FGF12: variants seen among roughly 807,000 people sequenced by gnomAD.
FGF12 encodes the protein fibroblast growth factor 12, also known as fibroblast growth factor 12B.
In FGF12, 14 loss-of-function variants were observed where a neutral mutation model predicts 23.6. The ratio of observed to expected loss-of-function variants is 0.59; its 90% CI spans 0.39 to 0.93. FGF12 has a LOEUF of 0.93. FGF12 is among the 40% of genes least tolerant of loss of function. FGF12 has a pLI of 0.00. For missense variants in FGF12, 175 were observed against 217.8 expected, an observed-to-expected ratio of 0.80 and a Z score of 1.24; for synonymous variants, 62 against 77.3, an observed-to-expected ratio of 0.80 and a Z score of 1.04.
At chr3:192,532,109 T>A (rs1725102913) in intron 2 of FGF12, among the ~76,000 whole-genome samples, 2 of 152,204 alleles carry the variant, frequency 1.3e-5, no homozygotes, top group South Asian at 4.1e-4. Context: ...TTGGTCTACA[T>A]GCCTATTTTT....
chr3:192,566,027 G>A (rs538480333), intron 2 of FGF12, among the ~76,000 whole-genome samples: 7 of 152,154 alleles, frequency 4.6e-5, no homozygotes, highest in Non-Finnish European at 7.3e-5. Context: ...CAGAGGTTGC[G>A]GTGAGCCGAG....
intron 4 of FGF12, among the ~76,000 whole-genome samples, chr3:192,298,926 G>A (rs1337729234): frequency 1.3e-5 from 2 of 152,022 alleles, no homozygotes; most frequent in Non-Finnish European, 2.9e-5. Context: ...GAACATGTCA[G>A]GTTCTTTTTA....
At chr3:192,397,815 C>T (rs1422858129) in intron 2 of FGF12, among the ~76,000 whole-genome samples, 2 of 152,126 alleles carry the variant, frequency 1.3e-5, no homozygotes, top group Non-Finnish European at 2.9e-5. Context: ...ACTTTGGGCA[C>T]TTATTTAAAT....
intron 2 of FGF12, among the ~76,000 whole-genome samples, chr3:192,385,038 G>GGAGATGACCTGGCTTT (rs1719983383): frequency 6.6e-6 from 1 of 152,112 alleles, no homozygotes; most frequent in Non-Finnish European, 1.5e-5. Context: ...GAGGGAAAAG[G>GGAGATGACCTGGCTTT]GAGATGACCT....
intron 4 of FGF12, among the ~76,000 whole-genome samples, chr3:192,334,040 G>A (rs1717264613): frequency 6.6e-6 from 1 of 152,104 alleles, no homozygotes; most frequent in African/African-American, 2.4e-5. Flanking sequence ...CTGTCTAGGT[G>A]TATTGATGGA....
chr3:192,703,737 G>T (rs1434965145), intron 2 of FGF12, among the ~76,000 whole-genome samples: 1 of 152,172 alleles, frequency 6.6e-6, no homozygotes, highest in Non-Finnish European at 1.5e-5. Context: ...CCTAGTGGGA[G>T]GTGATTGGAT....
chr3:192,203,133 T>TTGTG (rs57503863), intron 4 of FGF12, among the ~76,000 whole-genome samples: 1,495 of 148,274 alleles, frequency 0.01, 7 homozygotes, highest in African/African-American at 0.019. Context: ...CATTAAATAT[T>TTGTG]TGTGTGTGTG....
rs562864919 is a variant in FGF12 at position 192,193,134 on chromosome 3, C to T, written c.229-22478G>A. Reference sequence around the variant, plus strand: ...GAGACCAAAAAAAGTTTCATAAATGCCATGTGTATTCTTAAATATTCTAAA... The same window carrying T: ...GAGACCAAAAAAAGTTTCATAAATGTCATGTGTATTCTTAAATATTCTAAA... On this transcript the variant is annotated intron_variant, in intron 4 of 5. Transcript: ENST00000445105. Among the ~76,000 whole-genome samples, 16 of 152,272 alleles carry T rather than the reference C, an allele frequency of 1.1e-4. No individual in the cohort carries two copies. In the South Asian group the frequency reaches 3.1e-3, roughly 30 times the overall value.
intron 2 of FGF12, among the ~76,000 whole-genome samples, chr3:192,600,288 C>T (rs1714060078): frequency 6.6e-6 from 1 of 152,054 alleles, no homozygotes. Flanking sequence ...ATTTTAGTTA[C>T]TACAGCTTTG....
intron 2 of FGF12, among the ~76,000 whole-genome samples, chr3:192,490,858 G>A (rs1055977319): frequency 6.6e-6 from 1 of 152,148 alleles, no homozygotes; most frequent in Non-Finnish European, 1.5e-5. Flanking sequence ...GTCATCGCAA[G>A]ATAATTGCTG....
chr3:192,467,474 T>A (rs1259653789), intron 2 of FGF12, among the ~76,000 whole-genome samples: 1 of 149,122 alleles, frequency 6.7e-6, no homozygotes, highest in East Asian at 1.9e-4. Flanking sequence ...TTAGCCAGAC[T>A]GTGCGCCGAA....
intron 3 of FGF12, among the ~76,000 whole-genome samples, chr3:192,346,741 T>C (rs943917391): frequency 1.3e-5 from 2 of 152,134 alleles, no homozygotes; most frequent in African/African-American, 4.8e-5. Context: ...AAGGAGACAT[T>C]TGAAGCCAGG....
chr3:192,723,846 A>AGTGT (rs142888284), intron 2 of FGF12, among the ~76,000 whole-genome samples: 1 of 128,470 alleles, frequency 7.8e-6, no homozygotes, highest in South Asian at 2.9e-4. Context: ...GGGAGGTGAG[A>AGTGT]GTGTGTGTGT....
At chr3:192,503,260 A>C (rs1724186347) in intron 2 of FGF12, among the ~76,000 whole-genome samples, 1 of 152,206 alleles carries the variant, frequency 6.6e-6, no homozygotes, top group Admixed American at 6.5e-5. Flanking sequence ...AATGAGGTCA[A>C]AAATTTTTGT....
At chr3:192,254,609 A>G (rs979199873) in intron 4 of FGF12, among the ~76,000 whole-genome samples, 1 of 152,068 alleles carries the variant, frequency 6.6e-6, no homozygotes, top group African/African-American at 2.4e-5. Context: ...ATACTGGACT[A>G]CTAATAATCT....
At chr3:192,236,269 T>G (rs1200970723) in intron 4 of FGF12, among the ~76,000 whole-genome samples, 2 of 152,288 alleles carry the variant, frequency 1.3e-5, no homozygotes, top group Non-Finnish European at 1.5e-5. Context: ...AGAATTGCTA[T>G]ATGGCCAAGC....
chr3:192,339,234 A>G (rs1040922907), intron 3 of FGF12, among the ~76,000 whole-genome samples: 20 of 152,318 alleles, frequency 1.3e-4, no homozygotes, highest in Middle Eastern at 3.4e-3. Flanking sequence ...AAAAGGTGGC[A>G]AATGACTTAC....
chr3:192,727,025 T>A (rs1719240476), intron 2 of FGF12, 156 bp downstream of exon 2: 18 of 906,832 alleles, frequency 2.0e-5, no homozygotes, highest in Non-Finnish European at 3.1e-5. Flanking sequence ...GTCGCCTTCC[T>A]GCCACACTTC....
chr3:192,579,545 C>T (rs1322893948), intron 2 of FGF12, among the ~76,000 whole-genome samples: 1 of 152,120 alleles, frequency 6.6e-6, no homozygotes, highest in African/African-American at 2.4e-5. Flanking sequence ...TTGCTGTAAA[C>T]CACATGTTAT....
Sources: allele counts gnomAD v4.1 joint callset (sites outside exome capture counted in the v4.1 genomes callset), GRCh38; gene constraint gnomAD v4.1.1; transcripts MANE v1.5; gene names NCBI Gene and HGNC (gene_info 2026-07-23, HGNC 2026-07-21).